Variants in CNTN1 observed in about 807,000 individuals in gnomAD.
CNTN1 encodes the protein contactin 1, also known as contactin-1.
CNTN1 carries 38 observed loss-of-function variants against 126.4 expected under a neutral mutation model. That is an observed-to-expected ratio of 0.30 (90% CI 0.23 to 0.39). The LOEUF is 0.39. Ranked by LOEUF, CNTN1 falls within the 10% of genes least tolerant of loss-of-function variation. CNTN1 has a pLI of 1.00. For synonymous variants in CNTN1, 413 were observed against 422.6 expected, an observed-to-expected ratio of 0.98 and a Z score of 0.28; for missense variants, 1,009 against 1,248.4, an observed-to-expected ratio of 0.81 and a Z score of 2.89.
chr12:40,744,304 TAAA>T (rs11392752), intron 1 of CNTN1, among the ~76,000 whole-genome samples: 3 of 145,802 alleles, frequency 2.1e-5, no homozygotes, highest in African/African-American at 7.8e-5. Context: ...TTAAATTAAA[TAAA>T]AAAAAAATAA....
chr12:40,734,597 T>C (rs1055295901), intron 1 of CNTN1, among the ~76,000 whole-genome samples: 1 of 152,008 alleles, frequency 6.6e-6, no homozygotes, highest in Non-Finnish European at 1.5e-5. Flanking sequence ...ATTAGGAAAA[T>C]AGAAAAAATG....
chr12:40,877,430 T>C (rs1943709046), intron 1 of CNTN1, among the ~76,000 whole-genome samples: 4 of 152,198 alleles, frequency 2.6e-5, no homozygotes, highest in Admixed American at 2.0e-4. Context: ...AAGATCTAGA[T>C]GAATATTCAT....
At chr12:41,066,406 A>G (rs1950050235) in intron 23 of CNTN1, among the ~76,000 whole-genome samples, 1 of 152,162 alleles carries the variant, frequency 6.6e-6, no homozygotes, top group Admixed American at 6.5e-5. Flanking sequence ...GTGCTCTGTA[A>G]TAAGAAAAAA....
At chr12:40,977,370 A>G (rs1006183384) in intron 15 of CNTN1, among the ~76,000 whole-genome samples, 14 of 152,164 alleles carry the variant, frequency 9.2e-5, no homozygotes, top group African/African-American at 3.4e-4. Context: ...TGTTCTATCA[A>G]TAATTCCCAA....
intron 1 of CNTN1, among the ~76,000 whole-genome samples, chr12:40,840,551 T>C (rs1399936359): frequency 6.6e-6 from 1 of 152,052 alleles, no homozygotes; most frequent in Non-Finnish European, 1.5e-5. Flanking sequence ...ATTCCTATCA[T>C]AAGCATGTGG....
intron 1 of CNTN1, among the ~76,000 whole-genome samples, chr12:40,828,855 A>G (rs1941709154): frequency 6.6e-6 from 1 of 152,118 alleles, no homozygotes; most frequent in South Asian, 2.1e-4. Flanking sequence ...CAAACAAACC[A>G]TTTGACTTCT....
At chr12:40,909,548 G>A (rs912626147) in intron 2 of CNTN1, among the ~76,000 whole-genome samples, 9 of 151,238 alleles carry the variant, frequency 6.0e-5, no homozygotes, top group African/African-American at 1.7e-4. Context: ...TTAATCTGAC[G>A]GGCATCATTA....
At chr12:40,701,791 G>C (rs1941601798) in intron 1 of CNTN1, among the ~76,000 whole-genome samples, 1 of 152,118 alleles carries the variant, frequency 6.6e-6, no homozygotes, top group Non-Finnish European at 1.5e-5. Flanking sequence ...ATGAACCTAA[G>C]ACATCAACTT....
At chr12:40,754,243 T>C (rs544496645) in intron 1 of CNTN1, among the ~76,000 whole-genome samples, 2 of 152,130 alleles carry the variant, frequency 1.3e-5, no homozygotes, top group Non-Finnish European at 2.9e-5. Flanking sequence ...ACCTTTCATA[T>C]ACTACTGGCT....
chr12:40,886,146 C>A (rs1010903475), intron 1 of CNTN1, among the ~76,000 whole-genome samples: 2 of 151,960 alleles, frequency 1.3e-5, no homozygotes, highest in Admixed American at 1.3e-4. Flanking sequence ...AATAATAGTT[C>A]TGCATCCTCT....
intron 23 of CNTN1, among the ~76,000 whole-genome samples, chr12:41,034,083 G>A (rs1335754065): frequency 6.6e-6 from 1 of 151,904 alleles, no homozygotes; most frequent in East Asian, 1.9e-4. Context: ...ATGATGTCAT[G>A]ATGTCCTGAA....
At chr12:40,817,335 A>G (rs770939002) in intron 1 of CNTN1, among the ~76,000 whole-genome samples, 1 of 152,154 alleles carries the variant, frequency 6.6e-6, no homozygotes, top group Non-Finnish European at 1.5e-5. Flanking sequence ...GTGCTCCTCT[A>G]TTGGGTGCAT....
chr12:40,708,737 G>A (rs1173715250), intron 1 of CNTN1, among the ~76,000 whole-genome samples: 2 of 152,148 alleles, frequency 1.3e-5, no homozygotes, highest in Non-Finnish European at 2.9e-5. Flanking sequence ...TTTCAACAAT[G>A]TTCACAGCAT....
At chr12:40,743,809 T>C (rs1938050798) in intron 1 of CNTN1, among the ~76,000 whole-genome samples, 1 of 152,130 alleles carries the variant, frequency 6.6e-6, no homozygotes. Context: ...CATTTATTAA[T>C]TTTTGCTTTG....
At chr12:40,844,222 C>T (rs926122283) in intron 1 of CNTN1, among the ~76,000 whole-genome samples, 2 of 151,760 alleles carry the variant, frequency 1.3e-5, no homozygotes, top group African/African-American at 4.8e-5. Flanking sequence ...CATGCGCCAC[C>T]ATGCCCAGCT....
chr12:40,889,331 T>C (rs867888059), intron 1 of CNTN1, among the ~76,000 whole-genome samples: 1 of 152,194 alleles, frequency 6.6e-6, no homozygotes, highest in Non-Finnish European at 1.5e-5. Context: ...TCAAATATAG[T>C]GGTCCAGTTT....
At chr12:40,758,530 A>T (rs950686808) in intron 1 of CNTN1, among the ~76,000 whole-genome samples, 1 of 152,140 alleles carries the variant, frequency 6.6e-6, no homozygotes, top group Admixed American at 6.6e-5. Context: ...AGATTTTGAA[A>T]CATTTATGGA....
At chr12:40,966,878 T>A (rs1947325647) in intron 15 of CNTN1, among the ~76,000 whole-genome samples, 1 of 152,146 alleles carries the variant, frequency 6.6e-6, no homozygotes, top group Non-Finnish European at 1.5e-5. Context: ...AATTTAGATT[T>A]TTCTTTCCCT....
chr12:40,940,028 G>T (rs887458879), intron 12 of CNTN1, among the ~76,000 whole-genome samples: 1 of 152,214 alleles, frequency 6.6e-6, no homozygotes, highest in Non-Finnish European at 1.5e-5. Flanking sequence ...AAATGAAAAA[G>T]CAGTGTACAA....
Sources: gnomAD v4.1 joint callset for allele counts (sites outside exome capture counted in the v4.1 genomes callset) on GRCh38, gnomAD v4.1.1 for gene constraint, MANE v1.5 for transcripts, NCBI Gene and HGNC (gene_info 2026-07-23, HGNC 2026-07-21) for gene names.